The following PCCB variants were observed in gnomAD, a reference collection of about 807,000 sequenced individuals.
PCCB encodes the protein propionyl-CoA carboxylase beta chain, mitochondrial.
A neutral mutation model predicts 60.7 loss-of-function variants in PCCB; 43 were observed. That is an observed-to-expected ratio of 0.71 (90% CI 0.55 to 0.91). The LOEUF is 0.91. PCCB is among the 40% of genes least tolerant of loss of function. The pLI, the probability that PCCB is intolerant of heterozygous loss-of-function variation, is 0.00. For synonymous variants in PCCB, 276 were observed against 255.9 expected (o/e 1.08, Z -0.75); for missense variants, 766 against 702.8 (o/e 1.09, Z -1.02).
chr3:136,315,614 T>G (rs928161640), intron 9 of PCCB, among the ~76,000 whole-genome samples: 1 of 151,342 alleles, frequency 6.6e-6, no homozygotes, highest in Non-Finnish European at 1.5e-5. Flanking sequence ...GTGGATTGCG[T>G]GAGGCCAAGA....
At chr3:136,293,289 C>A (rs2108196528) in intron 6 of PCCB, among the ~76,000 whole-genome samples, 1 of 152,344 alleles carries the variant, frequency 6.6e-6, no homozygotes, top group South Asian at 2.1e-4. Flanking sequence ...AGATGTGAGC[C>A]ACTGTAACCC....
intron 1 of PCCB, chr3:136,252,164 G>A: frequency 5.0e-6 from 2 of 402,060 alleles, no homozygotes; most frequent in South Asian, 3.6e-5. Flanking sequence ...TTATGGGTGT[G>A]AGCCACTGCA....
chr3:136,328,560 C>T (rs780530988), intron 13 of PCCB, among the ~76,000 whole-genome samples, 198 bp from the exon 14 acceptor site: 27 of 152,202 alleles, frequency 1.8e-4, no homozygotes, highest in Admixed American at 1.3e-4. Flanking sequence ...AGCATCACAT[C>T]CCATCATGCA....
chr3:136,260,585 G>C, intron 4 of PCCB, 50 bp downstream of exon 4: 1 of 1,431,918 alleles, frequency 7.0e-7, no homozygotes, highest in Non-Finnish European at 9.8e-7. Context: ...CAGTTACATA[G>C]TGCTTATTGA....
chr3:136,266,173 G>C (rs925532741), intron 5 of PCCB, among the ~76,000 whole-genome samples: 17 of 147,606 alleles, frequency 1.2e-4, no homozygotes, highest in Non-Finnish European at 3.0e-5. Context: ...CTGTGGCCCA[G>C]GCTGGAGTGC....
At chr3:136,324,376 A>T (rs1243127117) in intron 10 of PCCB, among the ~76,000 whole-genome samples, 1 of 152,220 alleles carries the variant, frequency 6.6e-6, no homozygotes, top group Non-Finnish European at 1.5e-5. Context: ...TGCTTAGCCA[A>T]ACTTGAACTA....
chr3:136,258,137 GAGAT>G (rs140948709), intron 3 of PCCB, among the ~76,000 whole-genome samples: 1,589 of 152,272 alleles, frequency 0.01, 29 homozygotes, highest in East Asian at 0.047. Context: ...ATTGAAAAGA[GAGAT>G]AGAACAAAGA....
At chr3:136,287,916 T>C (rs1933494679) in intron 6 of PCCB, among the ~76,000 whole-genome samples, 1 of 152,256 alleles carries the variant, frequency 6.6e-6, no homozygotes, top group African/African-American at 2.4e-5. Context: ...TCTTAGGTCA[T>C]AGGATATATA....
chr3:136,273,597 C>CTTT, intron 5 of PCCB, among the ~76,000 whole-genome samples: 7 of 45,232 alleles, frequency 1.5e-4, no homozygotes, highest in African/African-American at 2.7e-4. Flanking sequence ...TTTCTTTTTT[C>CTTT]TTTTTTTTTT....
rs549896432 is a variant in PCCB, at chr3:136,264,198, A to G, written c.543+2133A>G. Among the ~76,000 whole-genome samples, 5 of 152,088 alleles carry G rather than the reference A, an allele frequency of 3.3e-5. No homozygotes were observed. In the South Asian group the frequency reaches 8.3e-4, roughly 25 times the overall value. On this transcript the variant is annotated intron_variant, in intron 5 of 14. Transcript: ENST00000251654. ...TATTTGAGAATAAATTGGAGATACT[A>G]TGTCTTCTTTACCTCCTAAGTTCTT...
At chr3:136,291,033 C>G (rs1331894990) in intron 6 of PCCB, among the ~76,000 whole-genome samples, 1 of 152,058 alleles carries the variant, frequency 6.6e-6, no homozygotes, top group Admixed American at 6.6e-5. Context: ...TGCAGTGTTT[C>G]CAATCCCTGG....
At chr3:136,276,986 G>A (rs1942345602) in intron 5 of PCCB, among the ~76,000 whole-genome samples, 1 of 152,172 alleles carries the variant, frequency 6.6e-6, no homozygotes, top group South Asian at 2.1e-4. Flanking sequence ...ATTCTTCTGG[G>A]TCTAGCCACC....
Position 136,253,088 on chromosome 3 carries a change from T to TG in PCCB, c.183+2530_183+2531insG, listed in dbSNP as rs71624089. ...GGGAGTCCAAGCAATGGAGGTTTTT[T>TG]TTTTTTTTTTTTTTTTTTTAAGATA... is the stretch of plus-strand genomic sequence containing the variant. On this transcript the variant is annotated intron_variant, in intron 1 of 14. Coordinates refer to ENST00000251654, the MANE Select transcript of PCCB (RefSeq NM_000532.5). 1.4e-3 allele frequency among the ~76,000 whole-genome samples: 130 copies of TG among 92,862 alleles called. 3 individuals are homozygous for TG. The highest frequency in any genetic ancestry group is 2.5e-3 in the Non-Finnish European group (93 of 37,262). 60.9% of individuals were successfully genotyped at this position (92,862 alleles called of 152,430 possible). A position where few individuals can be genotyped will look rare whatever the true frequency, so the allele number is the denominator to read the frequency against.
chr3:136,327,305 T>C (rs1935357772), intron 12 of PCCB, 50 bp downstream of exon 12: 1 of 1,416,930 alleles, frequency 7.1e-7, no homozygotes, highest in East Asian at 2.3e-5. Flanking sequence ...TCCTACAGCA[T>C]AGCCGTGGTG....
At position 136,294,254 on chromosome 3, in the gene PCCB, A is replaced by G. The variant is rs138309030; in HGVS notation, c.763+390A>G. Among the ~76,000 whole-genome samples, 516 of 152,222 alleles carry G rather than the reference A, an allele frequency of 3.4e-3. 1 individual carries two copies. Among genetic ancestry groups the G allele is most frequent in the African/African-American group, 8.8e-3 (365 of 41,528 alleles). ...TCTTAGAGTACATAAGTGTTTTCCA[A>G]TCATTGGCCAGGTGCATGATGGTCA... On this transcript the variant is annotated intron_variant, in intron 7 of 14. Transcript: ENST00000251654.
intron 5 of PCCB, among the ~76,000 whole-genome samples, chr3:136,283,150 TAGG>T (rs1344439375): frequency 6.6e-6 from 1 of 152,148 alleles, no homozygotes; most frequent in African/African-American, 2.4e-5. Context: ...TGATGGGACT[TAGG>T]AGAAGGAAAG....
intron 9 of PCCB, among the ~76,000 whole-genome samples, chr3:136,314,315 G>A (rs1188644648): frequency 6.6e-6 from 1 of 152,074 alleles, no homozygotes; most frequent in Admixed American, 6.6e-5. Flanking sequence ...TAAGTAAATG[G>A]GAAAGGCAAA....
intron 6 of PCCB, among the ~76,000 whole-genome samples, chr3:136,287,103 CCTTT>C (rs1199250614): frequency 8.6e-5 from 13 of 151,416 alleles, no homozygotes; most frequent in Admixed American, 5.3e-4. Flanking sequence ...TCATCATGAT[CCTTT>C]CTAAGGATCA....
intron 8 of PCCB, 74 bp downstream of exon 8, chr3:136,298,146 AGGGTCTGCCTT>A: frequency 6.3e-7 from 1 of 1,596,690 alleles, no homozygotes. Flanking sequence ...CAGGACCCCC[AGGGTCTGCCTT>A]GTTGGGCAAG....
Sources: allele counts gnomAD v4.1 joint callset (sites outside exome capture counted in the v4.1 genomes callset), GRCh38; gene constraint gnomAD v4.1.1; transcripts MANE v1.5; gene names NCBI Gene and HGNC (gene_info 2026-07-23, HGNC 2026-07-21).